RBFOX3: variants seen among roughly 807,000 people sequenced by gnomAD.
The protein encoded by RBFOX3 is RNA binding protein fox-1 homolog 3.
RBFOX3 carries 17 observed loss-of-function variants against 48.7 expected under a neutral mutation model. The ratio of observed to expected loss-of-function variants is 0.35; its 90% CI spans 0.24 to 0.52. The LOEUF (loss-of-function observed/expected upper bound fraction) is 0.52. Ranked by LOEUF, RBFOX3 falls within the 20% of genes least tolerant of loss-of-function variation. RBFOX3 has a pLI of 0.94. For missense variants in RBFOX3, 382 were observed against 497.5 expected, an observed-to-expected ratio of 0.77 and a Z score of 2.21; for synonymous variants, 212 against 209.5, an observed-to-expected ratio of 1.01 and a Z score of -0.10.
intron 2 of RBFOX3, among the ~76,000 whole-genome samples, chr17:79,349,005 A>C (rs1333701504): frequency 1.3e-5 from 2 of 151,728 alleles, no homozygotes; most frequent in East Asian, 1.9e-4. Context: ...TATTAGCTAC[A>C]TCCCCTCTGA....
intron 2 of RBFOX3, among the ~76,000 whole-genome samples, chr17:79,474,969 C>G (rs555464203): frequency 2.3e-4 from 35 of 152,328 alleles, no homozygotes; most frequent in African/African-American, 8.4e-4. Context: ...CTCCCCTCTC[C>G]TGGCCCAGCT....
intron 2 of RBFOX3, among the ~76,000 whole-genome samples, chr17:79,313,038 G>A (rs1261672078): frequency 6.6e-6 from 1 of 152,226 alleles, no homozygotes; most frequent in Non-Finnish European, 1.5e-5. Context: ...CTGCATGCTG[G>A]CAGAGCTGGG....
intron 2 of RBFOX3, among the ~76,000 whole-genome samples, chr17:79,372,523 C>G (rs567955458): frequency 6.6e-6 from 1 of 151,980 alleles, no homozygotes; most frequent in South Asian, 2.1e-4. Flanking sequence ...CCAGGCCTGG[C>G]CCGGGCTCCC....
At chr17:79,170,861 G>C (rs946699765) in intron 4 of RBFOX3, among the ~76,000 whole-genome samples, 4 of 152,134 alleles carry the variant, frequency 2.6e-5, no homozygotes, top group Non-Finnish European at 5.9e-5. Context: ...TCGCACCCCG[G>C]GTACCAGGTG....
chr17:79,427,802 A>G (rs1274517957), intron 2 of RBFOX3, among the ~76,000 whole-genome samples: 1 of 152,262 alleles, frequency 6.6e-6, no homozygotes, highest in Non-Finnish European at 1.5e-5. Flanking sequence ...TATTTGCAAC[A>G]TGCACAGGCG....
At chr17:79,149,072 C>T (rs1249291468) in intron 4 of RBFOX3, among the ~76,000 whole-genome samples, 1 of 152,208 alleles carries the variant, frequency 6.6e-6, no homozygotes. Flanking sequence ...ACGAACAGCG[C>T]ACTCTAAAGC....
chr17:79,482,070 T>C lies in RBFOX3; in HGVS notation c.-175+384A>G, dbSNP rs1443015392. 6.6e-6 allele frequency among the ~76,000 whole-genome samples: 1 copy of C among 151,916 alleles called. No individual in the cohort carries two copies. The highest frequency in any genetic ancestry group is 1.5e-5 in the Non-Finnish European group (1 of 67,986). On this transcript the variant is annotated intron_variant, in intron 2 of 14. Transcript: ENST00000693108. This position sits in a 1 kb window ranked among gnomAD's most constrained non-coding sequence, Gnocchi z 4.1. The stretch of plus-strand genomic sequence containing the variant: ...GGGCCCTCCCTGAGCCGCGGAGCAA[T>C]CTGGGCAGCAGAACACGAACCGTGC...
chr17:79,162,369 C>T (rs2047153866), intron 4 of RBFOX3, among the ~76,000 whole-genome samples: 1 of 152,148 alleles, frequency 6.6e-6, no homozygotes, highest in South Asian at 2.1e-4. Context: ...GACAAGGCCG[C>T]CCCCAGCCCG....
chr17:79,194,887 T>C (rs1298765562), intron 4 of RBFOX3, among the ~76,000 whole-genome samples: 1 of 151,322 alleles, frequency 6.6e-6, no homozygotes, highest in Non-Finnish European at 1.5e-5. Flanking sequence ...TTGGGTTACA[T>C]AAAGCGTATA....
Position 79,167,975 on chromosome 17 carries a change from C to A in RBFOX3, c.-33-52227G>T, listed in dbSNP as rs529213712. On this transcript the variant is annotated intron_variant, in intron 4 of 14. Coordinates refer to ENST00000693108, the MANE Select transcript of RBFOX3 (RefSeq NM_001350451.2). ...TAAAAGCCCTTCCCTTCACCTCCAA[C>A]CACAGAGTGGGGGGCAGTGGGGGTC... Among the ~76,000 whole-genome samples the A allele has an allele frequency of 8.5e-5, 13 of 152,366 alleles. No homozygotes were observed. In the East Asian group the frequency reaches 2.3e-3, roughly 27 times the overall value.
chr17:79,593,678 C>T (rs2093485557), intron 1 of RBFOX3, among the ~76,000 whole-genome samples: 1 of 152,228 alleles, frequency 6.6e-6, no homozygotes, highest in Non-Finnish European at 1.5e-5. Context: ...GTGTCTCCTG[C>T]AAATGTTAGT....
intron 4 of RBFOX3, among the ~76,000 whole-genome samples, chr17:79,152,393 G>C (rs1474835752): frequency 6.6e-6 from 1 of 152,156 alleles, no homozygotes; most frequent in Non-Finnish European, 1.5e-5. Flanking sequence ...GAGGCCCAGA[G>C]AGTCATAGGA....
At chr17:79,324,144 T>C (rs1187737078) in intron 2 of RBFOX3, among the ~76,000 whole-genome samples, 1 of 152,018 alleles carries the variant, frequency 6.6e-6, no homozygotes, top group Non-Finnish European at 1.5e-5. Flanking sequence ...TGCCACCCTC[T>C]CAGGGCCTCC....
chr17:79,647,758 CT>C, the RBFOX3 span, among the ~76,000 whole-genome samples: 1 of 152,198 alleles, frequency 6.6e-6, no homozygotes, highest in Admixed American at 6.5e-5. Context: ...CACCTGACCC[CT>C]GCCTCCTCCC....
chr17:79,157,027 C>A (rs772865860), intron 4 of RBFOX3, among the ~76,000 whole-genome samples: 1 of 152,192 alleles, frequency 6.6e-6, no homozygotes, highest in African/African-American at 2.4e-5. Context: ...GCAGCCCCTG[C>A]GCTCTCCTCA....
chr17:79,207,971 C>T lies in RBFOX3; in HGVS notation c.-34+27795G>A, dbSNP rs144614022. Among the ~76,000 whole-genome samples the T allele has an allele frequency of 1.4e-3, 210 of 152,276 alleles. 1 individual carries two copies. Among genetic ancestry groups the T allele is most frequent in the African/African-American group, 4.8e-3 (201 of 41,556 alleles). On this transcript the variant is annotated intron_variant, in intron 4 of 14. Transcript: ENST00000693108. ...ACAGTATGGGCCACAAGTCCGGGAC[C>T]GCGGGAGCCTCGGCAAGCCTCGGCT...
chr17:79,258,294 A>G (rs2065201055), intron 3 of RBFOX3, among the ~76,000 whole-genome samples: 1 of 152,192 alleles, frequency 6.6e-6, no homozygotes, highest in Admixed American at 6.5e-5. Context: ...CTCCAGTGAT[A>G]CGCCGCAGAC....
chr17:79,216,279 G>A (rs897839097), intron 4 of RBFOX3, among the ~76,000 whole-genome samples: 1 of 152,238 alleles, frequency 6.6e-6, no homozygotes, highest in African/African-American at 2.4e-5. Flanking sequence ...AGCCACTGTG[G>A]TCTCTGCGGT....
chr17:79,540,840 G>C (rs2089590700), intron 1 of RBFOX3, among the ~76,000 whole-genome samples: 1 of 152,198 alleles, frequency 6.6e-6, no homozygotes, highest in African/African-American at 2.4e-5. Flanking sequence ...GTCCTCAGCT[G>C]TCCTAATCCA....
Sources: allele counts gnomAD v4.1 joint callset (sites outside exome capture counted in the v4.1 genomes callset), GRCh38; gene constraint gnomAD v4.1.1; non-coding constraint Gnocchi (gnomAD v3.1); transcripts MANE v1.5; gene names NCBI Gene and HGNC (gene_info 2026-07-23, HGNC 2026-07-21).